Variants in CLVS2 observed in about 807,000 individuals in gnomAD.
The protein encoded by CLVS2 is clavesin 2.
CLVS2 carries 19 observed loss-of-function variants against 29.0 expected under a neutral mutation model. The ratio of observed to expected loss-of-function variants is 0.66; its 90% CI spans 0.46 to 0.96. The LOEUF is 0.96. Ranked by LOEUF, CLVS2 falls within the 40% of genes least tolerant of loss-of-function variation. CLVS2 has a pLI of 0.00. For missense variants in CLVS2, 294 were observed against 404.1 expected, an observed-to-expected ratio of 0.73 and a Z score of 2.34; for synonymous variants, 161 against 151.3, an observed-to-expected ratio of 1.06 and a Z score of -0.47.
intron 3 of CLVS2, among the ~76,000 whole-genome samples, chr6:123,036,878 G>T (rs1041145901): frequency 6.6e-6 from 1 of 152,138 alleles, no homozygotes; most frequent in Non-Finnish European, 1.5e-5. Context: ...TCTGGCAAGT[G>T]ATTGGAAATC....
chr6:123,070,782 A>C lies in CLVS2; in HGVS notation c.*7021A>C, dbSNP rs1772933273. 6.6e-6 allele frequency: 1 copy of C among 151,806 alleles called. No homozygotes were observed. The highest frequency in any genetic ancestry group is 2.4e-5 in the African/African-American group (1 of 41,338). 9.4% of individuals were successfully genotyped at this position (151,806 alleles called of 1,614,324 possible). ...CCTTTTCTTAGATAATCTCTTAAGA[A>C]TCTCTCCTTTATTTACTGCTGCCAA... On this transcript the variant is annotated 3_prime_UTR_variant, in exon 6 of 6. Transcript: ENST00000275162.
At chr6:123,007,952 A>T (rs1001888751) in intron 2 of CLVS2, among the ~76,000 whole-genome samples, 1 of 152,196 alleles carries the variant, frequency 6.6e-6, no homozygotes, top group African/African-American at 2.4e-5. Context: ...AGTTAAAATA[A>T]TTTTAAAAAG....
chr6:123,061,986 T>C (rs913351129), intron 5 of CLVS2, among the ~76,000 whole-genome samples: 9 of 152,176 alleles, frequency 5.9e-5, no homozygotes, highest in African/African-American at 2.2e-4. Context: ...TTCTTTCAAT[T>C]TGGAAATTAT....
rs1772841045 is a variant in CLVS2 at position 123,065,532 on chromosome 6, G to A, written c.*1771G>A. The A allele has an allele frequency of 6.6e-6, 1 of 151,830 alleles. No homozygotes were observed. The highest frequency in any genetic ancestry group is 6.6e-5 in the Admixed American group (1 of 15,226). The allele number at this position is 151,830 out of a possible 1,614,324, so 9.4% of individuals were successfully genotyped here. On this transcript the variant is annotated 3_prime_UTR_variant, in exon 6 of 6. Coordinates refer to ENST00000275162, the MANE Select transcript of CLVS2 (RefSeq NM_001010852.4). ...TAATGCCAACCTCCAGTCAAGTGCA[G>A]AAGAATAATGACTGTCAGGCACTCT...
chr6:123,014,307 A>G (rs937742443), intron 3 of CLVS2, among the ~76,000 whole-genome samples: 7 of 147,430 alleles, frequency 4.7e-5, no homozygotes, highest in African/African-American at 1.5e-4. Context: ...ATTTCTCCAC[A>G]TCCTCTCCAG....
rs1317829590 is a variant in CLVS2, at chr6:123,035,498, A to T, written c.565-13124A>T. Among the ~76,000 whole-genome samples the T allele has an allele frequency of 2.0e-5, 3 of 152,132 alleles. No individual in the cohort carries two copies. In the East Asian group the frequency reaches 5.8e-4, roughly 29 times the overall value. On this transcript the variant is annotated intron_variant, in intron 3 of 5. Transcript: ENST00000275162. Reference sequence around the variant, plus strand: ...AAAAGTCTCATATTTTATCTTCAAAAATCTCTGGAATCTACCTAGTTGAGC... The same window carrying T: ...AAAAGTCTCATATTTTATCTTCAAATATCTCTGGAATCTACCTAGTTGAGC...
chr6:122,997,702 G>C lies in CLVS2; in HGVS notation c.-76G>C. 2 of 1,463,402 alleles carry C rather than the reference G, an allele frequency of 1.4e-6. No homozygotes were observed. Among genetic ancestry groups the C allele is most frequent in the Non-Finnish European group, 1.9e-6 (2 of 1,067,694 alleles). The allele number at this position is 1,463,402 out of a possible 1,614,324, so 90.7% of individuals were successfully genotyped here. Reference sequence around the variant, plus strand: ...CAGGAGGTCTGGGGGCTGGAGTCTGGTGGTGGCAAGGACCAGGTTTGCTTT... The same window carrying C: ...CAGGAGGTCTGGGGGCTGGAGTCTGCTGGTGGCAAGGACCAGGTTTGCTTT... On this transcript the variant is annotated 5_prime_UTR_variant, in exon 2 of 6. Transcript: ENST00000275162.
At chr6:123,032,361 G>A (rs150704507) in intron 3 of CLVS2, among the ~76,000 whole-genome samples, 57 of 152,148 alleles carry the variant, frequency 3.7e-4, no homozygotes, top group African/African-American at 1.3e-3. Context: ...ACAAATATGT[G>A]TTTTCAGTCT....
chr6:123,060,042 G>A (rs1409483697), intron 5 of CLVS2, among the ~76,000 whole-genome samples: 3 of 152,218 alleles, frequency 2.0e-5, no homozygotes, highest in Non-Finnish European at 1.5e-5. Flanking sequence ...TGTTCTCTAT[G>A]TCAGGGAATG....
At position 123,065,137 on chromosome 6, in the gene CLVS2, T is replaced by C. The variant is rs1315170781; in HGVS notation, c.*1376T>C. 1 of 151,880 alleles carries C rather than the reference T, an allele frequency of 6.6e-6. No individual in the cohort carries two copies. The highest frequency in any genetic ancestry group is 1.5e-5 in the Non-Finnish European group (1 of 67,824). 9.4% of individuals were successfully genotyped at this position (151,880 alleles called of 1,614,324 possible). ...ATGACAACATGTAATCATTTATACG[T>C]GGATTTAGAAATTTGCATATTTAAC... On this transcript the variant is annotated 3_prime_UTR_variant, in exon 6 of 6. Transcript: ENST00000275162.
chr6:123,054,137 G>C (rs1157555951), intron 4 of CLVS2, among the ~76,000 whole-genome samples: 1 of 152,106 alleles, frequency 6.6e-6, no homozygotes, highest in Non-Finnish European at 1.5e-5. Context: ...TCTTGCATGA[G>C]TTGAAGAAGA....
rs568258386 is a variant in CLVS2, at chr6:123,006,659, G to A, written c.390-4326G>A. Among the ~76,000 whole-genome samples, 14 of 152,256 alleles carry A rather than the reference G, an allele frequency of 9.2e-5. No homozygotes were observed. In the South Asian group the frequency reaches 2.3e-3, roughly 25 times the overall value. On this transcript the variant is annotated intron_variant, in intron 2 of 5. Transcript: ENST00000275162. ...ATTCTTCATTAATTGATTAATGTACGCAATCCCAGAGGAAAATGGGAGACA... is the reference window on the plus strand; with the variant it reads ...ATTCTTCATTAATTGATTAATGTACACAATCCCAGAGGAAAATGGGAGACA...
intron 2 of CLVS2, among the ~76,000 whole-genome samples, chr6:123,000,455 C>T (rs571587062): frequency 1.3e-5 from 2 of 152,266 alleles, no homozygotes; most frequent in South Asian, 2.1e-4. Flanking sequence ...TGCATAAAAA[C>T]GTCCTTGGCT....
chr6:123,027,923 A>T (rs1042070810), intron 3 of CLVS2, among the ~76,000 whole-genome samples: 12 of 152,208 alleles, frequency 7.9e-5, no homozygotes, highest in Admixed American at 5.2e-4. Flanking sequence ...ATATTAATGT[A>T]CTGTGCATTT....
intron 4 of CLVS2, among the ~76,000 whole-genome samples, chr6:123,051,601 T>C (rs183023519): frequency 1.1e-4 from 16 of 152,344 alleles, no homozygotes; most frequent in Middle Eastern, 6.8e-3. Context: ...TTCCTACTAA[T>C]TGGCACAAAT....
In CLVS2 at chr6:122,997,658, G is replaced by A; in HGVS notation, c.-120G>A. 2.2e-6 allele frequency: 2 copies of A among 921,382 alleles called. No individual in the cohort carries two copies. The highest frequency in any genetic ancestry group is 3.4e-6 in the Non-Finnish European group (2 of 594,442). 57.1% of individuals were successfully genotyped at this position (921,382 alleles called of 1,614,324 possible). ...ACACCAAGATTATTAATTTCCTGTA[G>A]GGGAGAGGAAGCAGGCAGCAGGAGG... On this transcript the variant is annotated 5_prime_UTR_variant, in exon 2 of 6. Transcript: ENST00000275162.
intron 5 of CLVS2, among the ~76,000 whole-genome samples, chr6:123,062,550 G>T (rs1772794066): frequency 6.6e-6 from 1 of 151,886 alleles, no homozygotes; most frequent in Non-Finnish European, 1.5e-5. Flanking sequence ...TGACACTTAG[G>T]AAACAAAATC....
At chr6:123,013,148 T>C (rs1443867187) in intron 3 of CLVS2, among the ~76,000 whole-genome samples, 1 of 152,100 alleles carries the variant, frequency 6.6e-6, no homozygotes, top group Admixed American at 6.6e-5. Flanking sequence ...ACTTTCTGAC[T>C]TTTTAAATCA....
intron 2 of CLVS2, among the ~76,000 whole-genome samples, chr6:123,005,633 G>C (rs1281752815): frequency 1.3e-5 from 2 of 152,160 alleles, no homozygotes; most frequent in Non-Finnish European, 2.9e-5. Flanking sequence ...GAGATGCTGA[G>C]AACCCCAGCA....
Sources: gnomAD v4.1 joint callset for allele counts (sites outside exome capture counted in the v4.1 genomes callset) on GRCh38, gnomAD v4.1.1 for gene constraint, MANE v1.5 for transcripts, NCBI Gene and HGNC (gene_info 2026-07-23, HGNC 2026-07-21) for gene names.